The following KIF26B variants were observed in gnomAD, a reference collection of about 807,000 sequenced individuals.
KIF26B encodes the protein kinesin family member 26B.
In KIF26B, 63 loss-of-function variants were observed where a neutral mutation model predicts 151.2. The observed-to-expected ratio is 0.42, with a 90% CI of 0.34 to 0.51. The LOEUF (loss-of-function observed/expected upper bound fraction) is 0.51, where lower values mean the gene tolerates loss of function less well. KIF26B is among the 20% of genes least tolerant of loss of function. KIF26B has a pLI of 0.07. For missense variants in KIF26B, 2,813 were observed against 2,913.6 expected (o/e 0.97, Z 0.79); for synonymous variants, 1,357 against 1,262.1 (o/e 1.08, Z -1.59).
At chr1:245,194,885 T>C (rs535351201) in intron 2 of KIF26B, among the ~76,000 whole-genome samples, 1 of 151,814 alleles carries the variant, frequency 6.6e-6, no homozygotes, top group African/African-American at 2.4e-5. Context: ...TGTATGGGGG[T>C]GTGTGTGTGT....
intron 2 of KIF26B, among the ~76,000 whole-genome samples, chr1:245,314,942 A>G (rs1671735519): frequency 1.3e-5 from 2 of 152,182 alleles, no homozygotes; most frequent in Non-Finnish European, 1.5e-5. Flanking sequence ...GCACTTTGGG[A>G]GGCCGAGGCG....
intron 10 of KIF26B, among the ~76,000 whole-genome samples, chr1:245,649,456 G>A (rs866545705): frequency 9.9e-5 from 15 of 152,282 alleles, no homozygotes; most frequent in Middle Eastern, 6.8e-3. Context: ...GGAAAGCCCC[G>A]ATTTCTTTGA....
intron 4 of KIF26B, among the ~76,000 whole-genome samples, chr1:245,440,734 C>T (rs373266441): frequency 7.2e-5 from 11 of 152,326 alleles, no homozygotes; most frequent in Middle Eastern, 3.4e-3. Context: ...TTTTTTAAAG[C>T]GGTCCGTTAT....
intron 2 of KIF26B, among the ~76,000 whole-genome samples, chr1:245,188,002 G>A (rs1042043484): frequency 1.3e-5 from 2 of 152,042 alleles, no homozygotes; most frequent in Admixed American, 6.6e-5. Flanking sequence ...ATTCAAGGCC[G>A]GGCGCGGTGG....
At chr1:245,589,441 G>A (rs2043262892) in intron 5 of KIF26B, among the ~76,000 whole-genome samples, 1 of 152,314 alleles carries the variant, frequency 6.6e-6, no homozygotes, top group Admixed American at 6.5e-5. Flanking sequence ...GGGGGCTGAT[G>A]CTGTCACCCC....
intron 3 of KIF26B, among the ~76,000 whole-genome samples, chr1:245,402,891 G>A (rs1297315316): frequency 6.6e-6 from 1 of 152,196 alleles, no homozygotes; most frequent in Non-Finnish European, 1.5e-5. Flanking sequence ...GCTGCGAAGA[G>A]TTTTCCTCCT....
At chr1:245,568,165 A>T (rs1003868639) in intron 5 of KIF26B, among the ~76,000 whole-genome samples, 6 of 146,452 alleles carry the variant, frequency 4.1e-5, no homozygotes, top group Admixed American at 3.4e-4. Flanking sequence ...AGCCTGGGCA[A>T]CAGAGTGAAA....
chr1:245,610,043 C>T (rs1167894399), intron 8 of KIF26B, among the ~76,000 whole-genome samples: 1 of 152,222 alleles, frequency 6.6e-6, no homozygotes, highest in African/African-American at 2.4e-5. Context: ...TTTCAGGATG[C>T]TAAGCCTGTT....
At chr1:245,660,865 G>C (rs2044128457) in intron 10 of KIF26B, among the ~76,000 whole-genome samples, 1 of 152,100 alleles carries the variant, frequency 6.6e-6, no homozygotes, top group Non-Finnish European at 1.5e-5. Flanking sequence ...ACTGAAGCTG[G>C]AGTGTAGTGG....
chr1:245,298,788 A>C (rs1457830878), intron 2 of KIF26B, among the ~76,000 whole-genome samples: 1 of 152,206 alleles, frequency 6.6e-6, no homozygotes. Context: ...ACATGTCACC[A>C]ATTAGCTCTC....
chr1:245,409,444 A>T (rs1199135127), intron 3 of KIF26B, among the ~76,000 whole-genome samples: 1 of 152,210 alleles, frequency 6.6e-6, no homozygotes, highest in Non-Finnish European at 1.5e-5. Context: ...GAATCCTGAA[A>T]CATGAGCAGC....
chr1:245,468,119 C>T (rs1382778111), intron 4 of KIF26B, among the ~76,000 whole-genome samples: 2 of 152,162 alleles, frequency 1.3e-5, no homozygotes, highest in Admixed American at 1.3e-4. Flanking sequence ...AAATTTCTTT[C>T]TAATGATTTG....
rs191693179 is a variant in KIF26B at position 245,376,461 on chromosome 1, G to A, written c.999+9094G>A. On this transcript the variant is annotated intron_variant, in intron 3 of 14. Transcript: ENST00000407071. ...CTAATGCCTAAGCCACACCCCAGGC[G>A]AATTAAATGAGAATATCTGCAGGTG... is the stretch of plus-strand genomic sequence containing the variant. 8.7e-4 allele frequency among the ~76,000 whole-genome samples: 133 copies of A among 152,158 alleles called. 1 individual carries two copies. Among genetic ancestry groups the A allele is most frequent in the Non-Finnish European group, 1.4e-3 (98 of 67,996 alleles).
chr1:245,463,005 A>C (rs1021195826), intron 4 of KIF26B, among the ~76,000 whole-genome samples: 1 of 152,184 alleles, frequency 6.6e-6, no homozygotes, highest in African/African-American at 2.4e-5. Context: ...CAGAATGGGT[A>C]AGTGGATAGC....
chr1:245,563,375 A>T lies in KIF26B; in HGVS notation c.1350+22425A>T, dbSNP rs2042974303. On this transcript the variant is annotated intron_variant, in intron 5 of 14. Coordinates refer to ENST00000407071, the MANE Select transcript of KIF26B (RefSeq NM_018012.4). The surrounding 1 kb of genome is among the most constrained non-coding windows in gnomAD (Gnocchi z 4.6). ...CCTTCTTTCAAGGGTTAATGTTTCC[A>T]AGTGGGTTCTATCTTCTCAAGGATC... Among the ~76,000 whole-genome samples, 1 of 152,168 alleles carries T rather than the reference A, an allele frequency of 6.6e-6. No individual in the cohort carries two copies. The highest frequency in any genetic ancestry group is 1.5e-5 in the Non-Finnish European group (1 of 68,032).
chr1:245,469,050 G>A (rs1049426328), intron 4 of KIF26B, among the ~76,000 whole-genome samples: 3 of 152,110 alleles, frequency 2.0e-5, no homozygotes, highest in Admixed American at 2.0e-4. Flanking sequence ...CATCAGCTGC[G>A]GTAGAAAGAG....
chr1:245,470,062 C>G (rs565879970), intron 4 of KIF26B, among the ~76,000 whole-genome samples: 44 of 151,988 alleles, frequency 2.9e-4, no homozygotes, highest in Non-Finnish European at 4.4e-4. Flanking sequence ...AGGATTCAGA[C>G]AAACCTGAGT....
chr1:245,376,752 A>G (rs1226050294), intron 3 of KIF26B, among the ~76,000 whole-genome samples: 3 of 152,150 alleles, frequency 2.0e-5, no homozygotes, highest in African/African-American at 4.8e-5. Context: ...CAGCGGCACA[A>G]TCTTGGCTCA....
intron 5 of KIF26B, among the ~76,000 whole-genome samples, chr1:245,568,184 C>CAAAAAAAAAAAAAAAAAAA (rs61494632): frequency 3.5e-5 from 1 of 28,674 alleles, no homozygotes; most frequent in African/African-American, 1.3e-4. Flanking sequence ...AACTCCATCT[C>CAAAAAAAAAAAAAAAAAAA]AAAAAAAAAA....
Sources: gnomAD v4.1 joint callset for allele counts (sites outside exome capture counted in the v4.1 genomes callset) on GRCh38, gnomAD v4.1.1 for gene constraint, Gnocchi (gnomAD v3.1) non-coding constraint, MANE v1.5 for transcripts, NCBI Gene and HGNC (gene_info 2026-07-23, HGNC 2026-07-21) for gene names.